THAP4: variants seen among roughly 807,000 people sequenced by gnomAD.
The protein encoded by THAP4 is THAP domain containing 4, also known as peroxynitrite isomerase THAP4.
A neutral mutation model predicts 48.1 loss-of-function variants in THAP4; 18 were observed. That is an observed-to-expected ratio of 0.37 (90% CI 0.26 to 0.56). The LOEUF is 0.56. Ranked by LOEUF, THAP4 falls within the 20% of genes least tolerant of loss-of-function variation. The pLI is 0.78. For missense variants in THAP4, 656 were observed against 774.9 expected (o/e 0.85, Z 1.82); for synonymous variants, 345 against 324.9 (o/e 1.06, Z -0.66).
At chr2:241,618,090 C>T (rs893596230) in intron 2 of THAP4, among the ~76,000 whole-genome samples, 1 of 152,206 alleles carries the variant, frequency 6.6e-6, no homozygotes, top group African/African-American at 2.4e-5. Flanking sequence ...GCTGAGGGTG[C>T]GCGGCCCGCA....
chr2:241,625,254 C>T (rs572728141), intron 2 of THAP4, among the ~76,000 whole-genome samples: 1 of 152,190 alleles, frequency 6.6e-6, no homozygotes, highest in African/African-American at 2.4e-5. Context: ...CTGGGAGAAT[C>T]ACTTGGACCC....
At chr2:241,602,901 C>A in intron 4 of THAP4, 69 bp downstream of exon 4, 3 of 1,218,162 alleles carry the variant, frequency 2.5e-6, no homozygotes, top group Non-Finnish European at 3.6e-6. Flanking sequence ...GGCATCCCTG[C>A]ACCCCTGCTT....
chr2:241,631,366 C>A (rs1309464020), intron 2 of THAP4, among the ~76,000 whole-genome samples: 2 of 152,124 alleles, frequency 1.3e-5, no homozygotes, highest in Non-Finnish European at 2.9e-5. Flanking sequence ...CAAAGGAAAC[C>A]ATCCGCCATA....
At chr2:241,596,709 G>A (rs2067053329) in intron 5 of THAP4, among the ~76,000 whole-genome samples, 2 of 151,904 alleles carry the variant, frequency 1.3e-5, no homozygotes, top group African/African-American at 2.4e-5. Flanking sequence ...AGGAGGCTGA[G>A]GCAGGAGAAT....
intron 2 of THAP4, among the ~76,000 whole-genome samples, chr2:241,620,981 AAG>A (rs1162487667): frequency 2.0e-5 from 3 of 152,000 alleles, no homozygotes; most frequent in Admixed American, 1.3e-4. Flanking sequence ...AAAAAATCTG[AAG>A]AGAGAGAGTG....
intron 5 of THAP4, among the ~76,000 whole-genome samples, chr2:241,593,435 C>T (rs971901000): frequency 1.3e-5 from 2 of 152,086 alleles, no homozygotes; most frequent in African/African-American, 2.4e-5. Flanking sequence ...AGCATGAATC[C>T]GCAGGAGAAA....
chr2:241,636,840 G>A, intron 1 of THAP4, 101 bp downstream of exon 1: 1 of 635,702 alleles, frequency 1.6e-6, no homozygotes, highest in Non-Finnish European at 2.0e-6. Context: ...GGCCGCCGAG[G>A]CCCGGCGCCC....
In THAP4 at chr2:241,633,030, A is replaced by G; in HGVS notation, c.1127T>C (p.Leu376Pro). Residue 376 changes from leucine to proline, a missense_variant, in exon 2 of 6, where the codon CTG (leucine) becomes CCG (proline). Coordinates refer to ENST00000407315, the MANE Select transcript of THAP4 (RefSeq NM_015963.6). This position sits in a 1 kb window ranked among gnomAD's most constrained non-coding sequence, Gnocchi z 7.5. ...GTCGGAGCGGCTGACCCTCTGCCGC[A>G]GGCTCTTCAGCTCGCCGTTCTTCTT... ...VEKKNGELKSLRQRVSRSDSQ... is the reference protein window; with the variant it reads ...VEKKNGELKSPRQRVSRSDSQ... 1 of 1,613,846 alleles carries G rather than the reference A, an allele frequency of 6.2e-7. No individual in the cohort carries two copies. The highest frequency in any genetic ancestry group is 8.5e-7 in the Non-Finnish European group (1 of 1,180,012).
At chr2:241,637,300 G>A, upstream of THAP4, 1 of 1,159,996 alleles carries the variant, frequency 8.6e-7, no homozygotes, top group South Asian at 1.6e-5. Flanking sequence ...CAGACGGGCG[G>A]GGGAGTCGCC....
intron 2 of THAP4, among the ~76,000 whole-genome samples, chr2:241,627,962 G>A (rs577126574): frequency 6.6e-6 from 1 of 152,100 alleles, no homozygotes; most frequent in South Asian, 2.1e-4. Flanking sequence ...CACTCCCTCT[G>A]GCTCCTGTCT....
chr2:241,626,595 G>A (rs938256179), intron 2 of THAP4, among the ~76,000 whole-genome samples: 10 of 150,392 alleles, frequency 6.6e-5, no homozygotes, highest in African/African-American at 1.5e-4. Context: ...ACGGAGTCTC[G>A]CTCTGTCACC....
upstream of THAP4, chr2:241,637,185 CGCCCCCGCCCCA>C (rs1190215411): frequency 1.0e-6 from 1 of 986,832 alleles, no homozygotes; most frequent in Non-Finnish European, 1.2e-6. Flanking sequence ...GCAGCGGGCC[CGCCCCCGCCCCA>C]GCCCCCGCCC....
intron 2 of THAP4, among the ~76,000 whole-genome samples, chr2:241,628,999 G>A (rs1315542604): frequency 6.6e-6 from 1 of 150,670 alleles, no homozygotes; most frequent in African/African-American, 2.4e-5. Context: ...AGCAAACAAT[G>A]GTAAATAAAG....
intron 4 of THAP4, among the ~76,000 whole-genome samples, chr2:241,602,372 CTTTTTTTTTT>C (rs1333863399): frequency 7.5e-4 from 105 of 139,110 alleles, no homozygotes; most frequent in African/African-American, 2.5e-3. Context: ...TTTTTTTTTT[CTTTTTTTTTT>C]GAGACAGAAT....
chr2:241,634,518 G>A (rs557402768), intron 1 of THAP4, among the ~76,000 whole-genome samples: 2 of 152,348 alleles, frequency 1.3e-5, no homozygotes, highest in African/African-American at 4.8e-5. Flanking sequence ...ACACTAGGGC[G>A]TGAGAGGTCA....
chr2:241,603,220 C>A, intron 3 of THAP4, 141 bp from the exon 4 acceptor site: 1 of 664,974 alleles, frequency 1.5e-6, no homozygotes. Flanking sequence ...CTACCACCAC[C>A]TTGCTCATTT....
intron 2 of THAP4, among the ~76,000 whole-genome samples, chr2:241,624,736 G>T (rs2067476465): frequency 6.6e-6 from 1 of 152,206 alleles, no homozygotes. Context: ...GATGGAGGGG[G>T]TGGGGCTCAA....
chr2:241,598,453 T>C (rs1468221086), intron 5 of THAP4, among the ~76,000 whole-genome samples: 1 of 152,210 alleles, frequency 6.6e-6, no homozygotes, highest in Non-Finnish European at 1.5e-5. Flanking sequence ...TGATGAGCTA[T>C]TAATATAATT....
At chr2:241,586,545 A>T (rs919204571) in intron 5 of THAP4, among the ~76,000 whole-genome samples, 5 of 152,174 alleles carry the variant, frequency 3.3e-5, no homozygotes, top group African/African-American at 1.2e-4. Flanking sequence ...TTACTAGGAG[A>T]TAAGATCAAA....
Sources: allele counts gnomAD v4.1 joint callset (sites outside exome capture counted in the v4.1 genomes callset), GRCh38; gene constraint gnomAD v4.1.1; non-coding constraint Gnocchi (gnomAD v3.1); transcripts MANE v1.5; gene names NCBI Gene and HGNC (gene_info 2026-07-23, HGNC 2026-07-21).